The following KAT7 variants were observed in gnomAD, a reference collection of about 807,000 sequenced individuals.
KAT7 encodes the protein lysine acetyltransferase 7.
In KAT7, 10 loss-of-function variants were observed where a neutral mutation model predicts 82.1. The observed-to-expected ratio is 0.12, with a 90% CI of 0.08 to 0.21. The LOEUF (loss-of-function observed/expected upper bound fraction) is 0.21. Ranked by LOEUF, KAT7 falls within the 10% of genes least tolerant of loss-of-function variation. KAT7 has a pLI of 1.00. For synonymous variants in KAT7, 250 were observed against 262.5 expected, an observed-to-expected ratio of 0.95 and a Z score of 0.46; for missense variants, 378 against 760.9, an observed-to-expected ratio of 0.50 and a Z score of 5.92.
chr17:49,821,501 C>A, intron 10 of KAT7, 75 bp downstream of exon 10: 2 of 1,490,834 alleles, frequency 1.3e-6, no homozygotes, highest in Non-Finnish European at 1.9e-6. Flanking sequence ...TGTTTTTTCT[C>A]CATCACACCT....
chr17:49,833,801 T>C lies in KAT7; in HGVS notation c.*6299T>C, dbSNP rs1026151531. 10 of 152,194 alleles carry C rather than the reference T, an allele frequency of 6.6e-5. No individual in the cohort carries two copies. Among genetic ancestry groups the C allele is most frequent in the Admixed American group, 5.9e-4 (9 of 15,280 alleles). 9.4% of individuals were successfully genotyped at this position (152,194 alleles called of 1,614,324 possible). Reference sequence around the variant, plus strand: ...TGAGTCCTGTTAACCCAGAGAATTATGAGAATACTGTTTTAACCACACGTT... The same window carrying C: ...TGAGTCCTGTTAACCCAGAGAATTACGAGAATACTGTTTTAACCACACGTT... On this transcript the variant is annotated 3_prime_UTR_variant, in exon 15 of 15. Transcript: ENST00000259021.
intron 4 of KAT7, among the ~76,000 whole-genome samples, chr17:49,800,452 G>C (rs1028945183): frequency 2.0e-5 from 3 of 152,130 alleles, no homozygotes; most frequent in Non-Finnish European, 4.4e-5. Flanking sequence ...TAAATAATGA[G>C]AAAAACTAAG....
Position 49,829,833 on chromosome 17 carries a change from CAG to C in KAT7, c.*2334_*2335del, listed in dbSNP as rs1039134570. Reference sequence around the variant, plus strand: ...ATTTAAACCCCCACAGGTGTGGAAACAGAGTTTCACTTGCCTTGGCAACTTTG... The same window carrying C: ...ATTTAAACCCCCACAGGTGTGGAAACAGTTTCACTTGCCTTGGCAACTTTG... On this transcript the variant is annotated 3_prime_UTR_variant, in exon 15 of 15. Transcript: ENST00000259021. 2.6e-5 allele frequency: 4 copies of C among 151,908 alleles called. No homozygotes were observed. In the East Asian group the frequency reaches 5.8e-4, roughly 22 times the overall value. The allele number at this position is 151,908 out of a possible 1,614,324, so 9.4% of individuals were successfully genotyped here.
At chr17:49,801,271 C>T (rs1265730997) in intron 4 of KAT7, among the ~76,000 whole-genome samples, 2 of 152,156 alleles carry the variant, frequency 1.3e-5, no homozygotes, top group Admixed American at 1.3e-4. Context: ...GCAACTTCCG[C>T]CTCCCGGGCT....
intron 7 of KAT7, among the ~76,000 whole-genome samples, chr17:49,812,091 A>G (rs2074173239): frequency 6.6e-6 from 1 of 152,216 alleles, no homozygotes; most frequent in Non-Finnish European, 1.5e-5. Context: ...AGCAAAGTAT[A>G]TGGAAGAAAA....
chr17:49,792,473 A>G (rs913621926), intron 2 of KAT7, among the ~76,000 whole-genome samples: 1 of 152,054 alleles, frequency 6.6e-6, no homozygotes, highest in African/African-American at 2.4e-5. Flanking sequence ...CTAAAACAAT[A>G]TGCATTCAGT....
Position 49,830,507 on chromosome 17 carries a change from C to T in KAT7, c.*3005C>T, listed in dbSNP as rs2074416827. On this transcript the variant is annotated 3_prime_UTR_variant, in exon 15 of 15. Transcript: ENST00000259021. The stretch of plus-strand genomic sequence containing the variant: ...CCAGCTTTTAACTCCCTCTTATCTG[C>T]ATAACAGAAGCTTAGCTGCTTAAGC... The T allele has an allele frequency of 6.6e-6, 1 of 152,182 alleles. No individual in the cohort carries two copies. The highest frequency in any genetic ancestry group is 1.9e-4 in the East Asian group (1 of 5,194). 9.4% of individuals were successfully genotyped at this position (152,182 alleles called of 1,614,324 possible). A position where few individuals can be genotyped will look rare whatever the true frequency, so the allele number is the denominator to read the frequency against.
chr17:49,799,841 T>C lies in KAT7; in HGVS notation c.580+1283T>C, dbSNP rs1210084348. ...TTCAAGCTTGGCTTTTTTTTTTTTT[T>C]CTTGTTTTTTAGTAATGAGGTTTTT... On this transcript the variant is annotated intron_variant, in intron 4 of 14. Coordinates refer to ENST00000259021, the MANE Select transcript of KAT7 (RefSeq NM_007067.5). 2.0e-5 allele frequency among the ~76,000 whole-genome samples: 3 copies of C among 151,316 alleles called. No homozygotes were observed. In the South Asian group the frequency reaches 6.3e-4, roughly 32 times the overall value.
intron 6 of KAT7, among the ~76,000 whole-genome samples, chr17:49,809,942 A>T (rs1409591289): frequency 4.6e-5 from 7 of 152,212 alleles, no homozygotes; most frequent in Admixed American, 4.6e-4. Context: ...TATTTTGTTC[A>T]TCATTTAGGT....
intron 4 of KAT7, among the ~76,000 whole-genome samples, chr17:49,801,728 G>C (rs2074027032): frequency 6.6e-6 from 1 of 151,466 alleles, no homozygotes; most frequent in Non-Finnish European, 1.5e-5. Context: ...GGGCTCAAGT[G>C]ACCCTCCCAC....
intron 4 of KAT7, among the ~76,000 whole-genome samples, chr17:49,803,853 T>G (rs1311809513): frequency 6.6e-6 from 1 of 152,192 alleles, no homozygotes; most frequent in East Asian, 1.9e-4. Context: ...TGTGTAAGCT[T>G]TAAACTCCAC....
At chr17:49,795,569 A>G (rs780306707) in intron 2 of KAT7, 1 of 240,064 alleles carries the variant, frequency 4.2e-6, no homozygotes, top group Non-Finnish European at 9.1e-6. Context: ...AACCAAGTGA[A>G]TAAGTTTCAG....
intron 7 of KAT7, among the ~76,000 whole-genome samples, chr17:49,811,881 A>G (rs1050944475): frequency 7.2e-5 from 11 of 152,250 alleles, no homozygotes; most frequent in Non-Finnish European, 1.5e-4. Flanking sequence ...AACACATGCC[A>G]TGGCACTGGA....
intron 12 of KAT7, 181 bp downstream of exon 12, chr17:49,823,476 A>T: frequency 1.8e-6 from 1 of 556,812 alleles, no homozygotes; most frequent in Non-Finnish European, 3.2e-6. Flanking sequence ...CACATTGAAC[A>T]TTGAAGGAGT....
In KAT7 at chr17:49,798,515, C is replaced by T. The variant is rs2073984415; in HGVS notation, c.537C>T (p.Tyr179=). ...AGCGCCGTCGCTTCCATGAAAGCTA[C>T]AACTTCAATATGAAGTGTCCTACAC... ...RPKRRRFHES[Y]NFNMKCPTPG... is the part of the protein sequence containing the mutation. Residue 179 remains tyrosine, a synonymous_variant, in exon 4 of 15, where the codon TAC becomes TAT. Transcript: ENST00000259021. The T allele has an allele frequency of 6.2e-7, 1 of 1,613,826 alleles. No individual in the cohort carries two copies. Among genetic ancestry groups the T allele is most frequent in the African/African-American group, 1.3e-5 (1 of 74,928 alleles).
intron 2 of KAT7, among the ~76,000 whole-genome samples, chr17:49,792,542 A>G (rs763459986): frequency 6.6e-6 from 1 of 152,008 alleles, no homozygotes; most frequent in Non-Finnish European, 1.5e-5. Context: ...TGTGGGCCAA[A>G]TATTTTCTCA....
At chr17:49,792,829 A>G (rs1212061754) in intron 2 of KAT7, among the ~76,000 whole-genome samples, 3 of 151,890 alleles carry the variant, frequency 2.0e-5, no homozygotes, top group Non-Finnish European at 4.4e-5. Context: ...TATTTTCTGG[A>G]GACAGGGTCT....
chr17:49,822,997 G>A (rs979736800), intron 11 of KAT7, among the ~76,000 whole-genome samples: 1 of 152,158 alleles, frequency 6.6e-6, no homozygotes, highest in Non-Finnish European at 1.5e-5. Context: ...TGACACTGGA[G>A]GTCTCAACTA....
intron 5 of KAT7, among the ~76,000 whole-genome samples, chr17:49,806,267 T>A (rs987653430): frequency 4.6e-5 from 7 of 152,222 alleles, no homozygotes; most frequent in Non-Finnish European, 8.8e-5. Context: ...TAGCTAACAT[T>A]AATTTTCCTT....
Sources: allele counts gnomAD v4.1 joint callset (sites outside exome capture counted in the v4.1 genomes callset), GRCh38; gene constraint gnomAD v4.1.1; transcripts MANE v1.5; gene names NCBI Gene and HGNC (gene_info 2026-07-23, HGNC 2026-07-21).